Variants in GRM7 observed in about 807,000 individuals in gnomAD.
The protein encoded by GRM7 is glutamate metabotropic receptor 7.
Under a neutral mutation model 84.5 loss-of-function variants are expected in GRM7, and 35 were observed. The observed-to-expected ratio is 0.41, with a 90% CI of 0.32 to 0.55. The LOEUF is 0.55. Ranked by LOEUF, GRM7 falls within the 20% of genes least tolerant of loss-of-function variation. The pLI is 0.19. For missense variants in GRM7, 1,003 were observed against 1,194.6 expected (o/e 0.84, Z 2.36); for synonymous variants, 487 against 455.1 (o/e 1.07, Z -0.89).
intron 4 of GRM7, among the ~76,000 whole-genome samples, chr3:7,344,643 G>C (rs959857837): frequency 6.6e-6 from 1 of 152,134 alleles, no homozygotes; most frequent in East Asian, 1.9e-4. Flanking sequence ...AACCTGGAGT[G>C]CATTACATTA....
At chr3:7,059,888 C>A (rs766690428) in intron 1 of GRM7, among the ~76,000 whole-genome samples, 1 of 151,762 alleles carries the variant, frequency 6.6e-6, no homozygotes, top group Non-Finnish European at 1.5e-5. Flanking sequence ...CCTCAGCCTC[C>A]AGAACTATGA....
chr3:7,203,468 C>T (rs542599586), intron 2 of GRM7, among the ~76,000 whole-genome samples: 1 of 152,000 alleles, frequency 6.6e-6, no homozygotes, highest in Admixed American at 6.6e-5. Context: ...AGATATATAT[C>T]TCATATTTTC....
At chr3:7,666,062 T>A (rs1459055617) in intron 8 of GRM7, among the ~76,000 whole-genome samples, 2 of 152,110 alleles carry the variant, frequency 1.3e-5, no homozygotes, top group African/African-American at 4.8e-5. Context: ...ATGACCGCAA[T>A]GATAATTACT....
At chr3:7,443,992 A>G (rs1158077399) in intron 5 of GRM7, among the ~76,000 whole-genome samples, 1 of 152,210 alleles carries the variant, frequency 6.6e-6, no homozygotes, top group African/African-American at 2.4e-5. Context: ...CAGGAGGAGG[A>G]AAAAAGATTA....
intron 2 of GRM7, among the ~76,000 whole-genome samples, chr3:7,268,259 C>T (rs554288265): frequency 1.6e-4 from 24 of 151,104 alleles, no homozygotes; most frequent in African/African-American, 4.4e-4. Context: ...CCCAGCACTT[C>T]GGTGGGCCAA....
intron 4 of GRM7, among the ~76,000 whole-genome samples, chr3:7,407,680 TAAGC>T (rs1208979187): frequency 1.3e-5 from 2 of 152,180 alleles, no homozygotes; most frequent in African/African-American, 4.8e-5. Context: ...AATGAAATAA[TAAGC>T]AAATTAAAAA....
At chr3:7,079,904 A>C (rs1457977596) in intron 1 of GRM7, among the ~76,000 whole-genome samples, 2 of 152,130 alleles carry the variant, frequency 1.3e-5, no homozygotes, top group African/African-American at 4.8e-5. Flanking sequence ...AGTGCTCAAT[A>C]AGTGTTTGTT....
At chr3:7,126,394 C>G (rs1559457250) in intron 1 of GRM7, among the ~76,000 whole-genome samples, 1 of 152,152 alleles carries the variant, frequency 6.6e-6, no homozygotes, top group African/African-American at 2.4e-5. Flanking sequence ...GAAAATCCCC[C>G]CTAATGTGTT....
intron 7 of GRM7, among the ~76,000 whole-genome samples, chr3:7,471,160 T>C (rs1698684912): frequency 1.3e-5 from 2 of 151,968 alleles, no homozygotes; most frequent in Non-Finnish European, 1.5e-5. Flanking sequence ...CAAGAATGCA[T>C]ATGATATTTG....
rs149188729 is a variant in GRM7 at position 7,205,301 on chromosome 3, T to G, written c.736+58633T>G. Among the ~76,000 whole-genome samples, 56 of 152,342 alleles carry G rather than the reference T, an allele frequency of 3.7e-4. 1 individual carries two copies. Among genetic ancestry groups the G allele is most frequent in the African/African-American group, 9.6e-4 (40 of 41,586 alleles). On this transcript the variant is annotated intron_variant, in intron 2 of 9. Coordinates refer to ENST00000357716, the MANE Select transcript of GRM7 (RefSeq NM_000844.4). Reference sequence around the variant, plus strand: ...GTCGTGGGTGGTGCATTGGATTTAATGTCACGTTGTCTAGTGCAATTTGTA... The same window carrying G: ...GTCGTGGGTGGTGCATTGGATTTAAGGTCACGTTGTCTAGTGCAATTTGTA...
intron 2 of GRM7, among the ~76,000 whole-genome samples, chr3:7,280,396 T>C (rs1185558803): frequency 6.6e-6 from 1 of 152,174 alleles, no homozygotes; most frequent in African/African-American, 2.4e-5. Flanking sequence ...TTCTTAAAAT[T>C]ATGATGAGAA....
At chr3:6,904,808 C>A (rs1167786794) in intron 1 of GRM7, among the ~76,000 whole-genome samples, 3 of 151,914 alleles carry the variant, frequency 2.0e-5, no homozygotes, top group African/African-American at 7.3e-5. Context: ...GCAGCCTTTA[C>A]CTCCTGAGCT....
chr3:7,421,069 G>A (rs544212720), intron 5 of GRM7, among the ~76,000 whole-genome samples: 1 of 152,112 alleles, frequency 6.6e-6, no homozygotes, highest in Non-Finnish European at 1.5e-5. Flanking sequence ...GTTAAAAATA[G>A]ACTTTAGTGT....
rs113976204 is a variant in GRM7, at chr3:7,676,685, C to T, written c.2452-3364C>T. ...CTGACCTCAGGTGATCTGCCCGCCTCGGCCTCCCAAAGTGCTAGGATTACA... is the reference window on the plus strand; with the variant it reads ...CTGACCTCAGGTGATCTGCCCGCCTTGGCCTCCCAAAGTGCTAGGATTACA... On this transcript the variant is annotated intron_variant, in intron 8 of 9. Coordinates refer to ENST00000357716, the MANE Select transcript of GRM7 (RefSeq NM_000844.4). Among the ~76,000 whole-genome samples the T allele has an allele frequency of 2.6e-5, 4 of 152,130 alleles. 1 individual carries two copies. The highest frequency in any genetic ancestry group is 7.2e-5 in the African/African-American group (3 of 41,528).
In GRM7 at chr3:7,714,059, T is replaced by C. The variant is rs1458931498; in HGVS notation, c.2699-26298T>C. On this transcript the variant is annotated intron_variant, in intron 9 of 9. Coordinates refer to ENST00000357716, the MANE Select transcript of GRM7 (RefSeq NM_000844.4). ...TAAGCATGCATTTCTGTTTTTGTTT[T>C]TGAGTTTTTAAAATCCCATTTCAAT... Among the ~76,000 whole-genome samples the C allele has an allele frequency of 3.9e-5, 6 of 152,268 alleles. No homozygotes were observed. In the South Asian group the frequency reaches 8.3e-4, roughly 21 times the overall value.
chr3:7,737,740 C>T (rs1239733026), intron 9 of GRM7, among the ~76,000 whole-genome samples: 1 of 152,006 alleles, frequency 6.6e-6, no homozygotes, highest in Non-Finnish European at 1.5e-5. Context: ...GCATAGAACT[C>T]TGTAATTTAA....
At chr3:7,430,797 A>G (rs1217175726) in intron 5 of GRM7, among the ~76,000 whole-genome samples, 1 of 152,178 alleles carries the variant, frequency 6.6e-6, no homozygotes, top group Non-Finnish European at 1.5e-5. Flanking sequence ...GAAGATACAG[A>G]TAGGGTATCC....
intron 2 of GRM7, among the ~76,000 whole-genome samples, chr3:7,225,469 T>G (rs1696952930): frequency 6.8e-6 from 1 of 147,660 alleles, no homozygotes; most frequent in Admixed American, 6.8e-5. Context: ...AAATTATAAT[T>G]ATAATAAATG....
At chr3:7,104,345 A>G (rs1189320619) in intron 1 of GRM7, among the ~76,000 whole-genome samples, 1 of 151,730 alleles carries the variant, frequency 6.6e-6, no homozygotes, top group African/African-American at 2.4e-5. Context: ...CCAGGATCTC[A>G]GTCTTTCAGT....
Sources: allele counts gnomAD v4.1 joint callset (sites outside exome capture counted in the v4.1 genomes callset), GRCh38; gene constraint gnomAD v4.1.1; transcripts MANE v1.5; gene names NCBI Gene and HGNC (gene_info 2026-07-23, HGNC 2026-07-21).